The following ABRAXAS1 variants were observed in gnomAD, a reference collection of about 807,000 sequenced individuals.
The protein encoded by ABRAXAS1 is BRCA1-A complex subunit Abraxas 1.
In ABRAXAS1, 26 loss-of-function variants were observed where a neutral mutation model predicts 38.4. The observed-to-expected ratio is 0.68, with a 90% CI of 0.50 to 0.94. The LOEUF (loss-of-function observed/expected upper bound fraction) is 0.94. Among genes scored for constraint, ABRAXAS1 ranks in the 40% least tolerant of loss-of-function variants. The probability of loss-of-function intolerance (pLI) is 0.00; values close to 1 mark genes in which losing one functional copy is unlikely to be tolerated. For synonymous variants in ABRAXAS1, 144 were observed against 165.5 expected, an observed-to-expected ratio of 0.87 and a Z score of 1.00; for missense variants, 438 against 481.9, an observed-to-expected ratio of 0.91 and a Z score of 0.85.
chr4:83,471,255 G>A (rs1015547382), intron 4 of ABRAXAS1, among the ~76,000 whole-genome samples: 12 of 132,768 alleles, frequency 9.0e-5, no homozygotes, highest in African/African-American at 3.0e-4. Context: ...CCAGGCTGGA[G>A]TGCAATGGCA....
chr4:83,462,289 G>A lies in ABRAXAS1; in HGVS notation c.*180C>T. ...AGGTTTGGAAATAAAAGCATCTGAT[G>A]TTTGAAAAAGTACTTTGTGAAGTAA... On this transcript the variant is annotated 3_prime_UTR_variant, in exon 9 of 9. Transcript: ENST00000321945. 1.7e-6 allele frequency: 1 copy of A among 581,460 alleles called. No homozygotes were observed. The highest frequency in any genetic ancestry group is 2.4e-5 in the South Asian group (1 of 42,446). The allele number at this position is 581,460 out of a possible 1,614,324, so 36.0% of individuals were successfully genotyped here.
chr4:83,465,180 C>G (rs1722301716), intron 7 of ABRAXAS1, among the ~76,000 whole-genome samples: 1 of 150,978 alleles, frequency 6.6e-6, no homozygotes, highest in Non-Finnish European at 1.5e-5. Context: ...CGTGTAATCT[C>G]AGCTACTTGG....
intron 2 of ABRAXAS1, chr4:83,477,934 CG>C: frequency 1.2e-6 from 1 of 826,542 alleles, no homozygotes; most frequent in Non-Finnish European, 2.1e-6. Context: ...CCAATCCCAC[CG>C]ATGTTCTAAA....
At chr4:83,480,721 T>C (rs952880675) in intron 2 of ABRAXAS1, among the ~76,000 whole-genome samples, 51 of 152,162 alleles carry the variant, frequency 3.4e-4, no homozygotes, top group African/African-American at 1.2e-3. Flanking sequence ...TACAAGGATA[T>C]TCACTGTAGT....
In ABRAXAS1 at chr4:83,471,191, C is replaced by CTTTT. The variant is rs869128932; in HGVS notation, c.283-799_283-796dup. Among the ~76,000 whole-genome samples the CTTTT allele has an allele frequency of 4.6e-3, 266 of 58,158 alleles. 24 individuals carry two copies. Among genetic ancestry groups the CTTTT allele is most frequent in the Non-Finnish European group, 6.9e-3 (180 of 26,144 alleles). 38.2% of individuals were successfully genotyped at this position (58,158 alleles called of 152,430 possible). ...CAAACATATTTGTTGAAAGAAACAT[C>CTTTT]TTTTTTTTTTTTTTTTTTTTTTTTT... is the stretch of plus-strand genomic sequence containing the variant. On this transcript the variant is annotated intron_variant, in intron 4 of 8. Transcript: ENST00000321945.
chr4:83,484,648 A>C (rs1054038360), intron 1 of ABRAXAS1, among the ~76,000 whole-genome samples: 1 of 152,262 alleles, frequency 6.6e-6, no homozygotes, highest in Non-Finnish European at 1.5e-5. Flanking sequence ...CAGGCTCCGC[A>C]GAGCAGCGGA....
At position 83,463,614 on chromosome 4, in the gene ABRAXAS1, A is replaced by T; in HGVS notation, c.682-6T>A. On this transcript the variant is annotated splice_polypyrimidine_tract_variant and splice_region_variant and intron_variant, in intron 7 of 8. Coordinates refer to ENST00000321945, the MANE Select transcript of ABRAXAS1 (RefSeq NM_139076.3). ...TCCACTTTTTTGCATATACTCTGCA[A>T]AATAAAGTAATTTAAGGGCATAGGT... is the stretch of plus-strand genomic sequence containing the variant. The T allele has an allele frequency of 6.5e-7, 1 of 1,537,392 alleles. No individual in the cohort carries two copies. The highest frequency in any genetic ancestry group is 8.9e-7 in the Non-Finnish European group (1 of 1,117,852).
Position 83,463,623 on chromosome 4 carries a change from A to C in ABRAXAS1, c.682-15T>G. The stretch of plus-strand genomic sequence containing the variant: ...TTGCATATACTCTGCAAAATAAAGT[A>C]ATTTAAGGGCATAGGTAATATTTCA... On this transcript the variant is annotated splice_polypyrimidine_tract_variant and intron_variant, in intron 7 of 8. Coordinates refer to ENST00000321945, the MANE Select transcript of ABRAXAS1 (RefSeq NM_139076.3). The C allele has an allele frequency of 6.9e-7, 1 of 1,445,630 alleles. No individual in the cohort carries two copies. 89.6% of individuals were successfully genotyped at this position (1,445,630 alleles called of 1,614,324 possible). A position where few individuals can be genotyped will look rare whatever the true frequency, so the allele number is the denominator to read the frequency against.
chr4:83,471,189 ATCTTTTTTTTTTTTTT>A (rs1722572701), intron 4 of ABRAXAS1, among the ~76,000 whole-genome samples: 1 of 124,102 alleles, frequency 8.1e-6, no homozygotes. Flanking sequence ...TGAAAGAAAC[ATCTTTTTTTTTTTTTT>A]TTTTTTTTTT....
intron 2 of ABRAXAS1, among the ~76,000 whole-genome samples, chr4:83,477,202 TG>T (rs1399074876): frequency 2.0e-5 from 3 of 152,224 alleles, no homozygotes; most frequent in Non-Finnish European, 2.9e-5. Flanking sequence ...AGCTTAGCAC[TG>T]TACCTAATAC....
At chr4:83,484,505 G>C (rs959613074) in intron 1 of ABRAXAS1, among the ~76,000 whole-genome samples, 2 of 152,206 alleles carry the variant, frequency 1.3e-5, no homozygotes, top group Non-Finnish European at 2.9e-5. Flanking sequence ...TTTGCCACTG[G>C]ACGCAACATC....
intron 2 of ABRAXAS1, among the ~76,000 whole-genome samples, chr4:83,480,869 G>A (rs1722978205): frequency 1.3e-5 from 2 of 152,132 alleles, no homozygotes; most frequent in African/African-American, 2.4e-5. Context: ...GGTGGCTCAC[G>A]CCTGTCATCC....
At chr4:83,463,826 C>T in intron 7 of ABRAXAS1, 1 of 326,100 alleles carries the variant, frequency 3.1e-6, no homozygotes, top group East Asian at 4.7e-5. Flanking sequence ...TCACATGTAA[C>T]TTCTCATTTA....
At position 83,471,926 on chromosome 4, in the gene ABRAXAS1, G is replaced by T. The variant is rs143031849; in HGVS notation, c.282+296C>A. Among the ~76,000 whole-genome samples the T allele has an allele frequency of 5.3e-5, 8 of 152,246 alleles. No homozygotes were observed. In the East Asian group the frequency reaches 5.8e-4, roughly 11 times the overall value. On this transcript the variant is annotated intron_variant, in intron 4 of 8. Coordinates refer to ENST00000321945, the MANE Select transcript of ABRAXAS1 (RefSeq NM_139076.3). ...TACAGCCAAGTAAAATAACAGAACT[G>T]ATTAGGTCACAGAATAAATGGTAGT...
At chr4:83,481,055 C>T (rs1237302166) in intron 2 of ABRAXAS1, among the ~76,000 whole-genome samples, 1 of 151,848 alleles carries the variant, frequency 6.6e-6, no homozygotes, top group East Asian at 1.9e-4. Context: ...TCGCTTGAAC[C>T]TGGGAGGCGG....
chr4:83,472,911 TTTC>T (rs1722634827), intron 3 of ABRAXAS1, among the ~76,000 whole-genome samples: 1 of 152,322 alleles, frequency 6.6e-6, no homozygotes, highest in South Asian at 2.1e-4. Flanking sequence ...CAAATAATAT[TTTC>T]TTCTTTTTAC....
chr4:83,482,355 G>T, intron 1 of ABRAXAS1, 111 bp from the exon 2 acceptor site: 1 of 566,594 alleles, frequency 1.8e-6, no homozygotes, highest in Non-Finnish European at 3.0e-6. Context: ...CTACCAGTCG[G>T]GGGCACATAT....
At position 83,471,189 on chromosome 4, in the gene ABRAXAS1, A is replaced by ATTTTTTTTTTTTTT. The variant is rs1560575138; in HGVS notation, c.283-794_283-793insAAAAAAAAAAAAAA. Reference sequence around the variant, plus strand: ...GCCAAACATATTTGTTGAAAGAAACATCTTTTTTTTTTTTTTTTTTTTTTT... The same window carrying ATTTTTTTTTTTTTT: ...GCCAAACATATTTGTTGAAAGAAACATTTTTTTTTTTTTTTCTTTTTTTTTTTTTTTTTTTTTTT... On this transcript the variant is annotated intron_variant, in intron 4 of 8. Coordinates refer to ENST00000321945, the MANE Select transcript of ABRAXAS1 (RefSeq NM_139076.3). 1.6e-5 allele frequency among the ~76,000 whole-genome samples: 2 copies of ATTTTTTTTTTTTTT among 124,104 alleles called. 1 individual carries two copies. The allele number at this position is 124,104 out of a possible 152,430, so 81.4% of individuals were successfully genotyped here. A position where few individuals can be genotyped will look rare whatever the true frequency, so the allele number is the denominator to read the frequency against.
At chr4:83,484,300 ACTTT>A (rs984128936) in intron 1 of ABRAXAS1, 4 of 735,928 alleles carry the variant, frequency 5.4e-6, no homozygotes, top group African/African-American at 3.9e-5. Flanking sequence ...AGATGCTTAG[ACTTT>A]CTTTCTGCAA....
Sources: gnomAD v4.1 joint callset for allele counts (sites outside exome capture counted in the v4.1 genomes callset) on GRCh38, gnomAD v4.1.1 for gene constraint, MANE v1.5 for transcripts, NCBI Gene and HGNC (gene_info 2026-07-23, HGNC 2026-07-21) for gene names.